The following SPTLC3 variants were observed in gnomAD, a reference collection of about 807,000 sequenced individuals.
SPTLC3 encodes the protein serine palmitoyltransferase long chain base subunit 3.
A neutral mutation model predicts 59.3 loss-of-function variants in SPTLC3; 36 were observed. That is an observed-to-expected ratio of 0.61 (90% CI 0.47 to 0.80). The LOEUF is 0.80. SPTLC3 is among the 30% of genes least tolerant of loss of function. SPTLC3 has a pLI of 0.00. For synonymous variants in SPTLC3, 257 were observed against 240.8 expected (o/e 1.07, Z -0.62); for missense variants, 625 against 685.1 (o/e 0.91, Z 0.98).
At chr20:13,028,856 C>T (rs762317632) in intron 1 of SPTLC3, among the ~76,000 whole-genome samples, 1 of 152,130 alleles carries the variant, frequency 6.6e-6, no homozygotes, top group Non-Finnish European at 1.5e-5. Context: ...TTGGGACACT[C>T]GTATCCTTTA....
intron 1 of SPTLC3, among the ~76,000 whole-genome samples, chr20:13,036,369 TC>T (rs1227126585): frequency 2.0e-5 from 3 of 151,978 alleles, no homozygotes; most frequent in Admixed American, 2.0e-4. Context: ...CTCCTCCTCC[TC>T]CTCAGCCTAC....
intron 4 of SPTLC3, among the ~76,000 whole-genome samples, chr20:13,090,708 T>G (rs902548576): frequency 3.9e-5 from 6 of 152,226 alleles, no homozygotes; most frequent in African/African-American, 1.2e-4. Context: ...TCCTGACTTC[T>G]AACACTGCAG....
intron 9 of SPTLC3, among the ~76,000 whole-genome samples, chr20:13,132,321 A>C (rs113858309): frequency 6.6e-6 from 1 of 151,356 alleles, no homozygotes; most frequent in African/African-American, 2.4e-5. Context: ...GGACTACAGG[A>C]ACCCACCGCC....
intron 1 of SPTLC3, among the ~76,000 whole-genome samples, chr20:13,030,203 G>A (rs1006041777): frequency 3.3e-5 from 5 of 152,096 alleles, no homozygotes; most frequent in African/African-American, 1.2e-4. Context: ...ATGCCACAGG[G>A]CACACCACAC....
chr20:13,117,769 T>C (rs1340381679), intron 8 of SPTLC3, 44 bp downstream of exon 8: 2 of 1,540,318 alleles, frequency 1.3e-6, no homozygotes, highest in Non-Finnish European at 1.8e-6. Context: ...CTGAGCGCCC[T>C]GGGGATGCCG....
At chr20:13,152,803 C>A (rs544926999) in intron 9 of SPTLC3, among the ~76,000 whole-genome samples, 2 of 152,234 alleles carry the variant, frequency 1.3e-5, no homozygotes, top group Admixed American at 1.3e-4. Context: ...ACAAGATGCC[C>A]CCTGTTCAAC....
chr20:13,091,335 G>T, intron 5 of SPTLC3, 128 bp downstream of exon 5: 2 of 1,213,640 alleles, frequency 1.6e-6, no homozygotes, highest in Non-Finnish European at 2.2e-6. Flanking sequence ...AGCACTTTGG[G>T]AGCCCAAGGC....
At chr20:13,056,340 C>G (rs1237062720) in intron 2 of SPTLC3, among the ~76,000 whole-genome samples, 1 of 152,136 alleles carries the variant, frequency 6.6e-6, no homozygotes, top group Non-Finnish European at 1.5e-5. Context: ...CAATTTGAGT[C>G]CCGTTAGAGA....
chr20:13,079,509 CA>C (rs1988765636), intron 4 of SPTLC3, among the ~76,000 whole-genome samples: 1 of 152,134 alleles, frequency 6.6e-6, no homozygotes, highest in Non-Finnish European at 1.5e-5. Flanking sequence ...CCACCAAAAA[CA>C]CTTTCAAAAT....
intron 5 of SPTLC3, among the ~76,000 whole-genome samples, chr20:13,091,703 T>C (rs1443505379): frequency 2.6e-5 from 4 of 152,198 alleles, no homozygotes; most frequent in African/African-American, 9.6e-5. Context: ...ATATTGCTGA[T>C]TATATAATTG....
Position 13,094,387 on chromosome 20 carries a change from A to C in SPTLC3, c.826+810A>C, listed in dbSNP as rs2122636234. Among the ~76,000 whole-genome samples the C allele has an allele frequency of 1.5e-5, 2 of 136,264 alleles. 1 individual carries two copies. The highest frequency in any genetic ancestry group is 4.5e-4 in the South Asian group (2 of 4,456). 89.4% of individuals were successfully genotyped at this position (136,264 alleles called of 152,430 possible). A position where few individuals can be genotyped will look rare whatever the true frequency, so the allele number is the denominator to read the frequency against. On this transcript the variant is annotated intron_variant, in intron 6 of 11. Transcript: ENST00000399002. ...TTCCCTTCTTTCTGTGCATGTGTAC[A>C]TGCATGCACACACATGCACTCACAC...
At chr20:13,152,264 TGTCAAGAGCTTATA>T (rs1414554128) in intron 9 of SPTLC3, among the ~76,000 whole-genome samples, 1 of 152,238 alleles carries the variant, frequency 6.6e-6, no homozygotes, top group Non-Finnish European at 1.5e-5. Context: ...AATCAATAAA[TGTCAAGAGCTTATA>T]ACAGTGGTGA....
chr20:13,131,551 C>A (rs1228208490), intron 9 of SPTLC3, among the ~76,000 whole-genome samples: 1 of 152,168 alleles, frequency 6.6e-6, no homozygotes, highest in Non-Finnish European at 1.5e-5. Context: ...TTTCCAATAG[C>A]TTTACCCACC....
intron 9 of SPTLC3, among the ~76,000 whole-genome samples, chr20:13,128,417 C>T (rs1252146570): frequency 1.3e-5 from 2 of 152,166 alleles, no homozygotes; most frequent in Non-Finnish European, 2.9e-5. Context: ...AATCAGTCAA[C>T]TCTCTACACA....
intron 1 of SPTLC3, among the ~76,000 whole-genome samples, chr20:13,044,173 C>G (rs1008692764): frequency 6.6e-6 from 1 of 150,802 alleles, no homozygotes; most frequent in African/African-American, 2.4e-5. Context: ...AATCTTGGCT[C>G]ACTTCAACCT....
intron 2 of SPTLC3, among the ~76,000 whole-genome samples, chr20:13,054,578 T>C (rs1987639980): frequency 6.6e-6 from 1 of 151,960 alleles, no homozygotes; most frequent in Non-Finnish European, 1.5e-5. Flanking sequence ...CCTAGGAAAA[T>C]AGGAAGAAGG....
chr20:13,010,526 C>A (rs1290742325), intron 1 of SPTLC3, among the ~76,000 whole-genome samples: 1 of 152,174 alleles, frequency 6.6e-6, no homozygotes, highest in Non-Finnish European at 1.5e-5. Context: ...ACAAAAGGCA[C>A]TGTCCAACGC....
At position 13,164,846 on chromosome 20, in the gene SPTLC3, G is replaced by C. The variant is rs758917284; in HGVS notation, c.1638G>C (p.Thr546=). The stretch of plus-strand genomic sequence containing the variant: ...CACGTCCTGAGCTCTATGATGAGAC[G>C]AGCTTTGAACTCGAAGATTAAGTTT... The part of the protein sequence containing the change: ...KSARPELYDE[T]SFELED The change falls in exon 12 of 12, where the codon ACG becomes ACC. Residue 546 remains threonine (T), a synonymous_variant. Coordinates refer to ENST00000399002, the MANE Select transcript of SPTLC3 (RefSeq NM_018327.4). The C allele has an allele frequency of 2.5e-6, 4 of 1,613,364 alleles. No individual in the cohort carries two copies. The East Asian group carries it at 8.9e-5, about 36-fold the overall frequency.
At chr20:13,040,382 C>T (rs1261827914) in intron 1 of SPTLC3, among the ~76,000 whole-genome samples, 15 of 149,844 alleles carry the variant, frequency 1.0e-4, no homozygotes, top group Admixed American at 1.3e-4. Flanking sequence ...TTTTTTTTGA[C>T]GGAGTCTTGC....
Sources: allele counts gnomAD v4.1 joint callset (sites outside exome capture counted in the v4.1 genomes callset), GRCh38; gene constraint gnomAD v4.1.1; transcripts MANE v1.5; gene names NCBI Gene and HGNC (gene_info 2026-07-23, HGNC 2026-07-21).